ZSWIM6: variants seen among roughly 807,000 people sequenced by gnomAD.
The protein encoded by ZSWIM6 is zinc finger SWIM-type containing 6, also known as zinc finger SWIM domain-containing protein 6.
In ZSWIM6, 9 loss-of-function variants were observed where a neutral mutation model predicts 113.2. The observed-to-expected ratio is 0.08, with a 90% CI of 0.05 to 0.14. The LOEUF is 0.14. Among genes scored for constraint, ZSWIM6 ranks in the 10% least tolerant of loss-of-function variants. The pLI is 1.00. For synonymous variants in ZSWIM6, 611 were observed against 606.5 expected (o/e 1.01, Z -0.11); for missense variants, 1,162 against 1,552.2 (o/e 0.75, Z 4.22).
At position 61,525,996 on chromosome 5, in the gene ZSWIM6, A is replaced by G. The variant is rs781655502; in HGVS notation, c.1690+20A>G. The G allele has an allele frequency of 9.7e-6, 15 of 1,551,402 alleles. No homozygotes were observed. The highest frequency in any genetic ancestry group is 2.7e-5 in the African/African-American group (2 of 73,036). On this transcript the variant is annotated intron_variant, in intron 6 of 13. Coordinates refer to ENST00000252744, the MANE Select transcript of ZSWIM6 (RefSeq NM_020928.2). ...GGCATGGTAAGTGACCAAACCGGAA[A>G]GACATTTCCATGACTTACTTCTTTG... is the stretch of plus-strand genomic sequence containing the variant.
chr5:61,399,577 A>G (rs1285539734), intron 1 of ZSWIM6, among the ~76,000 whole-genome samples: 1 of 152,212 alleles, frequency 6.6e-6, no homozygotes. Context: ...CAAAGCCCTC[A>G]GAGCTAAATT....
intron 1 of ZSWIM6, among the ~76,000 whole-genome samples, chr5:61,354,190 C>T (rs1441413869): frequency 1.3e-5 from 2 of 152,204 alleles, no homozygotes; most frequent in African/African-American, 2.4e-5. Flanking sequence ...TAACTGCCTG[C>T]GTGTTCAACT....
chr5:61,472,597 T>TC lies in ZSWIM6; in HGVS notation c.677-81dup, dbSNP rs1441139374. Reference sequence around the variant, plus strand: ...ATATTTTTTTCTTGCTGCTGTCAAGTCCCACACATTTCAAAGAATTAGAGC... The same window carrying TC: ...ATATTTTTTTCTTGCTGCTGTCAAGTCCCCACACATTTCAAAGAATTAGAGC... On this transcript the variant is annotated intron_variant, in intron 1 of 13. Transcript: ENST00000252744. The surrounding 1 kb of genome is among the most constrained non-coding windows in gnomAD (Gnocchi z 4.1). The TC allele has an allele frequency of 8.9e-7, 1 of 1,120,102 alleles. No homozygotes were observed. Among genetic ancestry groups the TC allele is most frequent in the Non-Finnish European group, 1.2e-6 (1 of 814,864 alleles). The allele number at this position is 1,120,102 out of a possible 1,614,324, so 69.4% of individuals were successfully genotyped here. A position where few individuals can be genotyped will look rare whatever the true frequency, so the allele number is the denominator to read the frequency against.
At chr5:61,337,382 T>C (rs572924746) in intron 1 of ZSWIM6, among the ~76,000 whole-genome samples, 10 of 152,224 alleles carry the variant, frequency 6.6e-5, no homozygotes, top group South Asian at 2.1e-4. Context: ...ATACCCAGAA[T>C]TGGTTGAAGA....
rs563210964 is a variant in ZSWIM6 at position 61,363,929 on chromosome 5, CTCTT to C, written c.676+30991_676+30994del. Among the ~76,000 whole-genome samples the C allele has an allele frequency of 6.4e-3, 954 of 149,326 alleles. 10 individuals are homozygous for C. The highest frequency in any genetic ancestry group is 0.02 in the South Asian group (94 of 4,692). Reference sequence around the variant, plus strand: ...CCTTCCTTCCATTCTTCCTCCCTCCCTCTTTCTTTCTTTTTCTTTCTCTCTCTCC... The same window carrying C: ...CCTTCCTTCCATTCTTCCTCCCTCCCTCTTTCTTTTTCTTTCTCTCTCTCC... On this transcript the variant is annotated intron_variant, in intron 1 of 13. Coordinates refer to ENST00000252744, the MANE Select transcript of ZSWIM6 (RefSeq NM_020928.2).
At chr5:61,454,896 T>C (rs1466839194) in intron 1 of ZSWIM6, among the ~76,000 whole-genome samples, 1 of 151,898 alleles carries the variant, frequency 6.6e-6, no homozygotes, top group East Asian at 1.9e-4. Context: ...GGTTTTTTTT[T>C]TTTTTTGCAC....
At chr5:61,414,599 C>G (rs1430081605) in intron 1 of ZSWIM6, among the ~76,000 whole-genome samples, 1 of 152,058 alleles carries the variant, frequency 6.6e-6, no homozygotes, top group East Asian at 1.9e-4. Context: ...TTAGCTCAGA[C>G]TGAATTACTT....
chr5:61,482,622 A>G (rs189953452), intron 2 of ZSWIM6, among the ~76,000 whole-genome samples: 1 of 152,312 alleles, frequency 6.6e-6, no homozygotes, highest in East Asian at 1.9e-4. Context: ...TAAAATGTTG[A>G]GTTGTATATA....
chr5:61,490,752 G>T (rs1290945931), intron 2 of ZSWIM6, 34 bp from the exon 3 acceptor site: 1 of 1,539,966 alleles, frequency 6.5e-7, no homozygotes, highest in Non-Finnish European at 8.8e-7. Flanking sequence ...TTTTTATCTA[G>T]CCTGTGTGTT....
In ZSWIM6 at chr5:61,381,903, A is replaced by C. The variant is rs186234519; in HGVS notation, c.676+48955A>C. On this transcript the variant is annotated intron_variant, in intron 1 of 13. Transcript: ENST00000252744. ...ACTAAGGCTTTTCATGTGGAAGTAG[A>C]ATGCATATATCTTTCTTGATATAAC... Among the ~76,000 whole-genome samples the C allele has an allele frequency of 3.6e-3, 547 of 152,354 alleles. 4 individuals are homozygous for C. The highest frequency in any genetic ancestry group is 0.021 in the South Asian group (100 of 4,826).
intron 1 of ZSWIM6, among the ~76,000 whole-genome samples, chr5:61,365,265 T>G (rs1168375319): frequency 6.6e-6 from 1 of 151,590 alleles, no homozygotes; most frequent in Admixed American, 6.6e-5. Flanking sequence ...GGCAGGAGAA[T>G]CAGTTGAACC....
chr5:61,444,356 A>G (rs1284958860), intron 1 of ZSWIM6, among the ~76,000 whole-genome samples: 1 of 152,094 alleles, frequency 6.6e-6, no homozygotes, highest in Non-Finnish European at 1.5e-5. Context: ...GTTGTGGGAC[A>G]TTTAGGTTGG....
intron 1 of ZSWIM6, among the ~76,000 whole-genome samples, chr5:61,446,693 T>C (rs968373206): frequency 2.0e-5 from 3 of 152,228 alleles, no homozygotes; most frequent in Admixed American, 6.5e-5. Context: ...CCAGTTCATT[T>C]ATTAAAGATT....
Position 61,494,264 on chromosome 5 carries a change from G to A in ZSWIM6, c.1187G>A (p.Arg396Gln), listed in dbSNP as rs373448587. The change falls in exon 4 of 14, where the codon CGG becomes CAG. Residue 396 changes from arginine to glutamine, a missense_variant. By Grantham distance (43) the Arg-to-Gln change is conservative. Transcript: ENST00000252744. Reference protein sequence around the residue: ...KQLNLLFAKVREMLKMRDSNG... With the variant: ...KQLNLLFAKVQEMLKMRDSNG... ...AGGTCTGTTTTTCCCCATTAGGTGC[G>A]GGAGATGTTAAAGATGAGGGACTCC... 138 of 1,550,626 alleles carry A rather than the reference G, an allele frequency of 8.9e-5. No individual in the cohort carries two copies. The highest frequency in any genetic ancestry group is 1.2e-4 in the Non-Finnish European group (133 of 1,146,310).
intron 4 of ZSWIM6, among the ~76,000 whole-genome samples, chr5:61,518,729 T>G (rs1288709867): frequency 2.8e-4 from 42 of 148,822 alleles, no homozygotes; most frequent in African/African-American, 4.5e-4. Context: ...TTTCTCCCAT[T>G]TTGTAGGTTG....
chr5:61,391,948 C>T (rs1745726337), intron 1 of ZSWIM6: 1 of 535,420 alleles, frequency 1.9e-6, no homozygotes, highest in Non-Finnish European at 3.3e-6. Context: ...TCTTTGCCAT[C>T]CAGTGGGCTT....
At chr5:61,442,026 C>CA in intron 1 of ZSWIM6, among the ~76,000 whole-genome samples, 2 of 152,198 alleles carry the variant, frequency 1.3e-5, no homozygotes, top group Middle Eastern at 3.4e-3. Context: ...GAAATGTAAC[C>CA]ATGTGTGGGA....
At chr5:61,414,884 G>T (rs530759930) in intron 1 of ZSWIM6, among the ~76,000 whole-genome samples, 117 of 152,320 alleles carry the variant, frequency 7.7e-4, no homozygotes, top group South Asian at 2.3e-3. Flanking sequence ...GATAAAAAAT[G>T]TTGAACACTG....
intron 1 of ZSWIM6, among the ~76,000 whole-genome samples, chr5:61,435,560 G>T (rs1383773271): frequency 6.6e-6 from 1 of 152,172 alleles, no homozygotes; most frequent in African/African-American, 2.4e-5. Context: ...TATTAAGCTT[G>T]CAGTTGATTC....
Sources: allele counts gnomAD v4.1 joint callset (sites outside exome capture counted in the v4.1 genomes callset), GRCh38; gene constraint gnomAD v4.1.1; non-coding constraint Gnocchi (gnomAD v3.1); transcripts MANE v1.5; gene names NCBI Gene and HGNC (gene_info 2026-07-23, HGNC 2026-07-21).